Variants in MGAT4C observed in about 807,000 individuals in gnomAD.
MGAT4C encodes the protein alpha-1,3-mannosyl-glycoprotein 4-beta-N-acetylglucosaminyltransferase C.
MGAT4C carries 19 observed loss-of-function variants against 40.1 expected under a neutral mutation model. The ratio of observed to expected loss-of-function variants is 0.47; its 90% CI spans 0.33 to 0.70. The LOEUF is 0.70. Among genes scored for constraint, MGAT4C ranks in the 30% least tolerant of loss-of-function variants. MGAT4C has a pLI of 0.02. For synonymous variants in MGAT4C, 181 were observed against 187.1 expected (o/e 0.97, Z 0.27); for missense variants, 491 against 563.2 (o/e 0.87, Z 1.30).
intron 3 of MGAT4C, among the ~76,000 whole-genome samples, chr12:86,433,686 T>A (rs1016941696): frequency 2.0e-4 from 30 of 151,958 alleles, no homozygotes; most frequent in Admixed American, 1.8e-3. Context: ...AATGCATGCA[T>A]AATTTAAATG....
In MGAT4C at chr12:86,425,919, T is replaced by C. The variant is rs149943107; in HGVS notation, c.-120+9238A>G. The stretch of plus-strand genomic sequence containing the variant: ...TCTTTTAATATTTAAACTGTTTTAA[T>C]AAAATTAATATGCCAATATTAATAA... On this transcript the variant is annotated intron_variant, in intron 3 of 7. Coordinates refer to the MGAT4C transcript ENST00000548651. Among the ~76,000 whole-genome samples the C allele has an allele frequency of 6.5e-3, 992 of 152,342 alleles. 11 individuals are homozygous for C. The highest frequency in any genetic ancestry group is 0.023 in the African/African-American group (949 of 41,582).
intron 1 of MGAT4C, among the ~76,000 whole-genome samples, chr12:86,134,739 A>G (rs1418864851): frequency 6.6e-6 from 1 of 152,144 alleles, no homozygotes; most frequent in Non-Finnish European, 1.5e-5. Context: ...GAGCACTGCT[A>G]AGCTTTTATG....
At chr12:86,782,104 T>C (rs941869687) in intron 1 of MGAT4C, among the ~76,000 whole-genome samples, 4 of 150,910 alleles carry the variant, frequency 2.7e-5, no homozygotes, top group African/African-American at 9.7e-5. Flanking sequence ...ACCATTCTCC[T>C]GCCTCAGCCT....
At chr12:86,179,344 C>T (rs1414566344) in intron 1 of MGAT4C, among the ~76,000 whole-genome samples, 3 of 152,122 alleles carry the variant, frequency 2.0e-5, no homozygotes, top group Non-Finnish European at 4.4e-5. Context: ...TCTTTATCAG[C>T]AGTGTGAAAA....
At chr12:86,411,958 G>A (rs1956615358) in intron 3 of MGAT4C, among the ~76,000 whole-genome samples, 1 of 152,120 alleles carries the variant, frequency 6.6e-6, no homozygotes, top group Non-Finnish European at 1.5e-5. Flanking sequence ...AATTTCTCAG[G>A]CCACTGCTCC....
chr12:86,712,085 G>A (rs1950565746), intron 2 of MGAT4C, among the ~76,000 whole-genome samples: 1 of 151,886 alleles, frequency 6.6e-6, no homozygotes, highest in African/African-American at 2.4e-5. Flanking sequence ...CTAAATTTGT[G>A]GCAGTTTCCC....
Position 85,979,016 on chromosome 12 carries a change from C to G in MGAT4C, c.*273G>C. 1 of 234,050 alleles carries G rather than the reference C, an allele frequency of 4.3e-6. No individual in the cohort carries two copies. The highest frequency in any genetic ancestry group is 1.3e-4 in the South Asian group (1 of 7,470). 14.5% of individuals were successfully genotyped at this position (234,050 alleles called of 1,614,324 possible). On this transcript the variant is annotated 3_prime_UTR_variant, in exon 5 of 5. Transcript: ENST00000611864. ...TTTAAAATCTTTCATATTACCCTTT[C>G]GACAATCAGTTGAAATTTTAAAACT...
At chr12:86,380,349 A>T (rs1201703131) in intron 3 of MGAT4C, among the ~76,000 whole-genome samples, 1 of 152,158 alleles carries the variant, frequency 6.6e-6, no homozygotes, top group Non-Finnish European at 1.5e-5. Flanking sequence ...AAATAGACTT[A>T]TTCTCTTAAT....
chr12:86,797,907 C>A (rs147033905), intron 1 of MGAT4C, among the ~76,000 whole-genome samples: 115 of 152,020 alleles, frequency 7.6e-4, no homozygotes, highest in Middle Eastern at 6.8e-3. Context: ...TTGTTAAATT[C>A]ATATACATTT....
intron 1 of MGAT4C, among the ~76,000 whole-genome samples, chr12:86,731,310 T>C (rs1047296789): frequency 5.3e-5 from 8 of 152,224 alleles, no homozygotes; most frequent in African/African-American, 1.9e-4. Flanking sequence ...CAATTGCATC[T>C]CCCTTGCCTT....
rs1405293324 is a variant in MGAT4C, at chr12:86,108,164, C to T, written c.-56-58441G>A. 2.0e-5 allele frequency among the ~76,000 whole-genome samples: 3 copies of T among 152,192 alleles called. No homozygotes were observed. The East Asian group carries it at 5.8e-4, about 29-fold the overall frequency. Reference sequence around the variant, plus strand: ...AGGGGACCCCAGAAAAGCCTTAAAACTGAATTCTCAGCAATAATGAGATGG... The same window carrying T: ...AGGGGACCCCAGAAAAGCCTTAAAATTGAATTCTCAGCAATAATGAGATGG... On this transcript the variant is annotated intron_variant, in intron 1 of 4. Transcript: ENST00000611864.
At chr12:86,686,283 A>G (rs1441762674) in intron 2 of MGAT4C, among the ~76,000 whole-genome samples, 3 of 152,074 alleles carry the variant, frequency 2.0e-5, no homozygotes, top group Non-Finnish European at 4.4e-5. Context: ...TTTTCTGCAA[A>G]CAGAGACAGT....
chr12:86,604,152 A>G (rs1961957176), intron 2 of MGAT4C, among the ~76,000 whole-genome samples: 1 of 152,118 alleles, frequency 6.6e-6, no homozygotes, highest in Non-Finnish European at 1.5e-5. Context: ...GGATGCCAAG[A>G]ACAGCTAAGA....
intron 3 of MGAT4C, among the ~76,000 whole-genome samples, chr12:86,364,030 A>G (rs1011770338): frequency 4.9e-4 from 75 of 151,828 alleles, no homozygotes; most frequent in African/African-American, 1.7e-3. Flanking sequence ...GATATCTTCA[A>G]TGGTCCTCTA....
chr12:86,010,133 A>G (rs1055088009), intron 2 of MGAT4C, among the ~76,000 whole-genome samples: 1 of 152,338 alleles, frequency 6.6e-6, no homozygotes, highest in Middle Eastern at 3.4e-3. Context: ...TAAAAATACA[A>G]GAAGATAGAA....
At chr12:86,398,557 T>C (rs1264024052) in intron 3 of MGAT4C, among the ~76,000 whole-genome samples, 1 of 151,958 alleles carries the variant, frequency 6.6e-6, no homozygotes, top group Non-Finnish European at 1.5e-5. Context: ...TATATTCTTG[T>C]CCATGGTTCC....
At chr12:86,113,162 A>G (rs1877756682) in intron 1 of MGAT4C, among the ~76,000 whole-genome samples, 1 of 151,864 alleles carries the variant, frequency 6.6e-6, no homozygotes, top group Admixed American at 6.6e-5. Context: ...TTCAGGTCAT[A>G]CTAAGCAAAA....
At chr12:86,723,235 C>T (rs551728933) in intron 2 of MGAT4C, among the ~76,000 whole-genome samples, 12 of 152,266 alleles carry the variant, frequency 7.9e-5, no homozygotes, top group African/African-American at 2.9e-4. Flanking sequence ...TGACTTCCTA[C>T]ATAAATTCCC....
At chr12:86,742,138 T>C (rs2136131219) in intron 1 of MGAT4C, among the ~76,000 whole-genome samples, 1 of 151,480 alleles carries the variant, frequency 6.6e-6, no homozygotes, top group South Asian at 2.1e-4. Context: ...GATTCATATT[T>C]CATATATTAT....
Sources: gnomAD v4.1 joint callset for allele counts (sites outside exome capture counted in the v4.1 genomes callset) on GRCh38, gnomAD v4.1.1 for gene constraint, MANE v1.5 for transcripts, NCBI Gene and HGNC (gene_info 2026-07-23, HGNC 2026-07-21) for gene names.